The following WDR7 variants were observed in gnomAD, a reference collection of about 807,000 sequenced individuals.
WDR7 encodes WD repeat-containing protein 7.
In WDR7, 46 loss-of-function variants were observed where a neutral mutation model predicts 169.4. The ratio of observed to expected loss-of-function variants is 0.27; its 90% CI spans 0.21 to 0.35. The LOEUF (loss-of-function observed/expected upper bound fraction) is 0.35, where lower values mean the gene tolerates loss of function less well. Among genes scored for constraint, WDR7 ranks in the 10% least tolerant of loss-of-function variants. The probability of loss-of-function intolerance (pLI) is 1.00; values close to 1 mark genes in which losing one functional copy is unlikely to be tolerated. For missense variants in WDR7, 1,534 were observed against 1,859.3 expected (o/e 0.83, Z 3.22); for synonymous variants, 612 against 666.8 (o/e 0.92, Z 1.27).
At chr18:56,803,899 A>T (rs954388271) in intron 19 of WDR7, among the ~76,000 whole-genome samples, 2 of 152,176 alleles carry the variant, frequency 1.3e-5, no homozygotes, top group Non-Finnish European at 2.9e-5. Flanking sequence ...CCGCCCAAGC[A>T]ATATTCCCAC....
At chr18:57,022,787 G>A (rs1302247454) in intron 27 of WDR7, among the ~76,000 whole-genome samples, 3 of 152,314 alleles carry the variant, frequency 2.0e-5, no homozygotes, top group Middle Eastern at 3.4e-3. Context: ...TTTATTAGAT[G>A]GCTTCCTTTT....
At chr18:56,667,470 A>G (rs1350472792) in intron 1 of WDR7, among the ~76,000 whole-genome samples, 1 of 152,170 alleles carries the variant, frequency 6.6e-6, no homozygotes, top group East Asian at 1.9e-4. Flanking sequence ...TGGACCATTA[A>G]GTATCTTTAC....
At chr18:56,990,302 GA>G in intron 26 of WDR7, among the ~76,000 whole-genome samples, 1 of 152,306 alleles carries the variant, frequency 6.6e-6, no homozygotes, top group Non-Finnish European at 1.5e-5. Context: ...TGCCTAGCAG[GA>G]AAGGAACTTG....
intron 20 of WDR7, among the ~76,000 whole-genome samples, chr18:56,844,968 T>C (rs1253746538): frequency 6.6e-6 from 1 of 152,166 alleles, no homozygotes; most frequent in Non-Finnish European, 1.5e-5. Context: ...GTTAATGCCA[T>C]TCTGTGCCTA....
At chr18:56,925,278 A>G (rs977487181) in intron 22 of WDR7, among the ~76,000 whole-genome samples, 11 of 152,200 alleles carry the variant, frequency 7.2e-5, no homozygotes, top group Non-Finnish European at 1.5e-4. Context: ...TCATTTGAGT[A>G]GACATGTAGG....
At chr18:56,678,567 G>A (rs954089914) in intron 2 of WDR7, among the ~76,000 whole-genome samples, 81 of 152,194 alleles carry the variant, frequency 5.3e-4, no homozygotes, top group African/African-American at 1.9e-3. Context: ...AGCGATCTCG[G>A]CTCACTGCAA....
At chr18:56,975,950 A>G (rs2047558736) in intron 26 of WDR7, among the ~76,000 whole-genome samples, 1 of 152,234 alleles carries the variant, frequency 6.6e-6, no homozygotes, top group South Asian at 2.1e-4. Flanking sequence ...AGTTGAGTGC[A>G]TAAATTAATA....
intron 12 of WDR7, among the ~76,000 whole-genome samples, chr18:56,698,271 C>T (rs1286986530): frequency 6.6e-6 from 1 of 151,412 alleles, no homozygotes; most frequent in African/African-American, 2.4e-5. Flanking sequence ...ATTTTTTTAG[C>T]TTATATATTC....
At position 56,652,382 on chromosome 18, in the gene WDR7, C is replaced by G. The variant is rs138922514; in HGVS notation, c.-20+806C>G. 3.3e-3 allele frequency among the ~76,000 whole-genome samples: 496 copies of G among 152,294 alleles called. 2 individuals carry two copies. The highest frequency in any genetic ancestry group is 0.017 in the Middle Eastern group (5 of 294). On this transcript the variant is annotated intron_variant, in intron 1 of 27. Transcript: ENST00000254442. ...ACAAAAAAAGGCAAACTGACTCTTT[C>G]AGGTGTTTATGTCTTAGGATTTTAT... is the stretch of plus-strand genomic sequence containing the variant.
At position 56,781,646 on chromosome 18, in the gene WDR7, C is replaced by T. The variant is rs752578929; in HGVS notation, c.3180C>T (p.His1060=). The T allele has an allele frequency of 4.1e-5, 65 of 1,600,286 alleles. 1 individual carries two copies. The Admixed American group carries it at 6.2e-4, about 15-fold the overall frequency. ...CTTACTTACCTCAGTACATAGACCACGTCATATCACGTAAGAGTTCTCATG... is the reference window on the plus strand; with the variant it reads ...CTTACTTACCTCAGTACATAGACCATGTCATATCACGTAAGAGTTCTCATG... ...WAPYLPQYID[H]VISPGVTSEA... Residue 1060 remains histidine (H), a synonymous_variant, in exon 19 of 28, where the codon CAC becomes CAT. Coordinates refer to ENST00000254442, the MANE Select transcript of WDR7 (RefSeq NM_015285.3).
chr18:56,718,120 T>G lies in WDR7; in HGVS notation c.1735T>G (p.Cys579Gly). 6.2e-7 allele frequency: 1 copy of G among 1,614,006 alleles called. No homozygotes were observed. Among genetic ancestry groups the G allele is most frequent in the Non-Finnish European group, 8.5e-7 (1 of 1,179,942 alleles). ...RPSDDYLVVG[C>G]SDGSVYVWQM... ...TTCTGATGATTACCTGGTGGTGGGG[T>G]GTTCAGATGGTTCTGTGTACGTCTG... Residue 579 changes from cysteine to glycine, a missense_variant, in exon 13 of 28, where the codon TGT (cysteine) becomes GGT (glycine). Transcript: ENST00000254442.
rs1335017460 is a variant in WDR7 at position 56,682,844 on chromosome 18, C to G, written c.511C>G (p.Arg171Gly). The G allele has an allele frequency of 6.2e-7, 1 of 1,613,300 alleles. No homozygotes were observed. Among genetic ancestry groups the G allele is most frequent in the African/African-American group, 1.3e-5 (1 of 74,974 alleles). The change falls in exon 5 of 28, where the codon CGA becomes GGA. Residue 171 changes from arginine (R) to glycine (G), a missense_variant. By Grantham distance (125) the Arg-to-Gly change is moderately radical. Coordinates refer to ENST00000254442, the MANE Select transcript of WDR7 (RefSeq NM_015285.3). ...ISSMSIIRSHRTQEDTVVALS... is the reference protein window; with the variant it reads ...ISSMSIIRSHGTQEDTVVALS... ...CTCCATGAGTATTATTCGATCCCAC[C>G]GAACACAAGGTCAGTGTATTATGCC...
chr18:56,851,491 A>G (rs561939202), intron 20 of WDR7, among the ~76,000 whole-genome samples: 1 of 152,122 alleles, frequency 6.6e-6, no homozygotes, highest in South Asian at 2.1e-4. Context: ...AGTTTAACAT[A>G]TAATATATCA....
chr18:56,991,186 G>A (rs1175832847), intron 26 of WDR7, among the ~76,000 whole-genome samples: 3 of 127,338 alleles, frequency 2.4e-5, no homozygotes, highest in East Asian at 2.2e-4. Flanking sequence ...TCGCTCTGTC[G>A]CCCAGGCTGG....
intron 22 of WDR7, among the ~76,000 whole-genome samples, chr18:56,928,071 G>A (rs1225749967): frequency 6.6e-6 from 1 of 152,166 alleles, no homozygotes; most frequent in Admixed American, 6.5e-5. Context: ...GGAAAGCGCA[G>A]GCATGCCAAA....
intron 26 of WDR7, among the ~76,000 whole-genome samples, chr18:56,970,124 T>C (rs1329778541): frequency 6.6e-6 from 1 of 152,152 alleles, no homozygotes; most frequent in Non-Finnish European, 1.5e-5. Context: ...TAACCATCGG[T>C]TTAAATAAGA....
At chr18:56,956,957 T>C (rs2047259454) in intron 25 of WDR7, among the ~76,000 whole-genome samples, 1 of 152,170 alleles carries the variant, frequency 6.6e-6, no homozygotes, top group African/African-American at 2.4e-5. Context: ...AACATTCTTT[T>C]AGTGAAAAGT....
chr18:56,780,962 A>G (rs762061830), intron 18 of WDR7, among the ~76,000 whole-genome samples: 11 of 152,376 alleles, frequency 7.2e-5, no homozygotes, highest in African/African-American at 9.6e-5. Flanking sequence ...GATTTCCTCT[A>G]TAAAACTAAA....
At chr18:56,865,899 A>C in intron 20 of WDR7, among the ~76,000 whole-genome samples, 1 of 152,160 alleles carries the variant, frequency 6.6e-6, no homozygotes, top group East Asian at 1.9e-4. Flanking sequence ...ATTAGATACC[A>C]TGGTCCAAAA....
Sources: allele counts gnomAD v4.1 joint callset (sites outside exome capture counted in the v4.1 genomes callset), GRCh38; gene constraint gnomAD v4.1.1; transcripts MANE v1.5; gene names NCBI Gene and HGNC (gene_info 2026-07-23, HGNC 2026-07-21).